SBF2: variants seen among roughly 807,000 people sequenced by gnomAD.
SBF2 encodes myotubularin-related protein 13.
Under a neutral mutation model 225.2 loss-of-function variants are expected in SBF2, and 112 were observed. That is an observed-to-expected ratio of 0.50 (90% CI 0.43 to 0.58). The LOEUF (loss-of-function observed/expected upper bound fraction) is 0.58. Among genes scored for constraint, SBF2 ranks in the 20% least tolerant of loss-of-function variants. SBF2 has a pLI of 0.00. For synonymous variants in SBF2, 763 were observed against 773.3 expected, an observed-to-expected ratio of 0.99 and a Z score of 0.22; for missense variants, 1,996 against 2,206.2, an observed-to-expected ratio of 0.90 and a Z score of 1.91.
At chr11:9,790,762 A>C (rs1160989787) in intron 33 of SBF2, 79 bp from the exon 34 acceptor site, 6 of 1,120,032 alleles carry the variant, frequency 5.4e-6, no homozygotes, top group Non-Finnish European at 7.9e-6. Flanking sequence ...CATGCAGCAG[A>C]TAAAAAAGTG....
intron 6 of SBF2, among the ~76,000 whole-genome samples, chr11:10,013,683 G>A (rs1452008746): frequency 6.6e-6 from 1 of 152,148 alleles, no homozygotes; most frequent in African/African-American, 2.4e-5. Context: ...AAAGCAATCT[G>A]TATCAAGACA....
At chr11:10,168,860 G>C (rs1004263640) in intron 2 of SBF2, among the ~76,000 whole-genome samples, 1 of 152,128 alleles carries the variant, frequency 6.6e-6, no homozygotes, top group African/African-American at 2.4e-5. Context: ...GAAAAAGAAA[G>C]TGAACTTCAA....
chr11:10,177,407 T>G (rs1419054935), intron 2 of SBF2, among the ~76,000 whole-genome samples: 1 of 148,760 alleles, frequency 6.7e-6, no homozygotes, highest in East Asian at 2.1e-4. Context: ...AAATTGTCCC[T>G]GTTTGCAGAC....
At position 9,787,680 on chromosome 11, in the gene SBF2, C is replaced by T; in HGVS notation, c.4991G>A (p.Trp1664Ter). 1 of 1,614,224 alleles carries T rather than the reference C, an allele frequency of 6.2e-7. No homozygotes were observed. Among genetic ancestry groups the T allele is most frequent in the Non-Finnish European group, 8.5e-7 (1 of 1,180,048 alleles). Residue 1664 changes from tryptophan (W) to a stop codon, truncating the protein, a stop_gained, in exon 36 of 40, where the codon TGG becomes TAG. Coordinates refer to ENST00000256190, the MANE Select transcript of SBF2 (RefSeq NM_030962.4). LOFTEE classifies it high-confidence loss of function. Reference protein sequence around the residue: ...NQAPEKWQQLWERVTVDLKEE... With the variant: ...NQAPEKWQQL Reference sequence around the variant, plus strand: ...TTTAAGGTCCACGGTTACCCTTTCCCACAGCTGCTGCCACTTCTCAGGGGC... The same window carrying T: ...TTTAAGGTCCACGGTTACCCTTTCCTACAGCTGCTGCCACTTCTCAGGGGC...
chr11:9,968,615 G>A (rs1867122075), intron 13 of SBF2, 70 bp from the exon 14 acceptor site: 1 of 1,278,668 alleles, frequency 7.8e-7, no homozygotes, highest in African/African-American at 1.5e-5. Context: ...GGAAGGGAGT[G>A]GGAGCTTACA....
At chr11:9,787,962 A>G (rs951752028) in intron 35 of SBF2, 3 of 575,598 alleles carry the variant, frequency 5.2e-6, no homozygotes, top group Admixed American at 2.9e-5. Context: ...ACCTATAACT[A>G]GGCCTTTTTG....
intron 2 of SBF2, among the ~76,000 whole-genome samples, chr11:10,156,229 G>T (rs1955470504): frequency 6.6e-6 from 1 of 152,334 alleles, no homozygotes; most frequent in South Asian, 2.1e-4. Context: ...TGCACTCAGG[G>T]TGGTGCTGAC....
chr11:10,101,894 G>T (rs1952324456), intron 2 of SBF2, among the ~76,000 whole-genome samples: 1 of 152,004 alleles, frequency 6.6e-6, no homozygotes, highest in Non-Finnish European at 1.5e-5. Flanking sequence ...TTTCAAGCCA[G>T]CCTGGCAGGC....
chr11:9,958,821 A>G, intron 16 of SBF2: 1 of 574,796 alleles, frequency 1.7e-6, no homozygotes, highest in East Asian at 3.6e-5. Context: ...AATGGGTCAC[A>G]GTCGGCAGAG....
At chr11:9,902,682 CA>C (rs2134158249) in intron 16 of SBF2, among the ~76,000 whole-genome samples, 1 of 151,690 alleles carries the variant, frequency 6.6e-6, no homozygotes, top group South Asian at 2.1e-4. Context: ...ATAACTGAGC[CA>C]AAAAAGAGAT....
chr11:10,120,713 G>A (rs965647723), intron 2 of SBF2, among the ~76,000 whole-genome samples: 3 of 152,060 alleles, frequency 2.0e-5, no homozygotes, highest in Non-Finnish European at 2.9e-5. Context: ...CTCCGCCTCC[G>A]GGTTCAAGCG....
At chr11:10,119,685 G>A (rs1367995167) in intron 2 of SBF2, among the ~76,000 whole-genome samples, 5 of 152,052 alleles carry the variant, frequency 3.3e-5, no homozygotes, top group Admixed American at 6.5e-5. Flanking sequence ...ATTGGAGTCC[G>A]ACAGTATGTG....
In SBF2 at chr11:9,993,080, G is replaced by A. The variant is rs370621525; in HGVS notation, c.1077C>T (p.Phe359=). The A allele has an allele frequency of 2.5e-6, 4 of 1,611,514 alleles. No individual in the cohort carries two copies. The highest frequency in any genetic ancestry group is 1.7e-4 in the Middle Eastern group (1 of 6,054). The change falls in exon 11 of 40, where the codon TTC becomes TTT. Residue 359 remains phenylalanine (F), a synonymous_variant. Coordinates refer to ENST00000256190, the MANE Select transcript of SBF2 (RefSeq NM_030962.4). The part of the protein sequence containing the change: ...KMLDKEVRAV[F]LRLFAQLFQG... ...GGAAGAGTTGTGCAAATAATCTAAGGAAAACGGCTCGCACCTCTTTATCCT... is the reference window on the plus strand; with the variant it reads ...GGAAGAGTTGTGCAAATAATCTAAGAAAAACGGCTCGCACCTCTTTATCCT...
At chr11:9,914,993 G>A (rs79861660) in intron 16 of SBF2, among the ~76,000 whole-genome samples, 9,307 of 151,942 alleles carry the variant, frequency 0.061, 475 homozygotes, top group East Asian at 0.27. Flanking sequence ...ACTAAAAACT[G>A]TTTTAAAAAA....
intron 24 of SBF2, 70 bp downstream of exon 24, chr11:9,845,495 A>T: frequency 7.1e-7 from 1 of 1,402,966 alleles, no homozygotes; most frequent in Non-Finnish European, 1.0e-6. Context: ...CCTGGACACA[A>T]AGGATAGGTT....
chr11:9,809,185 A>T lies in SBF2; in HGVS notation c.4156-183T>A, dbSNP rs10770066. ...TCAAGATTAAACAATGACACTTTTG[A>T]CTGGATGCAATGACTCATGCCCATA... On this transcript the variant is annotated intron_variant, in intron 30 of 39. Transcript: ENST00000256190. 0.88 allele frequency: 483,561 copies of T among 547,954 alleles called. 214,811 individuals are homozygous for T. The highest frequency in any genetic ancestry group is 0.95 in the African/African-American group (49,747 of 52,276). The allele number at this position is 547,954 out of a possible 1,614,324, so 33.9% of individuals were successfully genotyped here. A position where few individuals can be genotyped will look rare whatever the true frequency, so the allele number is the denominator to read the frequency against.
In SBF2 at chr11:9,946,453, C is replaced by CTTTCT. The variant is rs200845518; in HGVS notation, c.1860+15503_1860+15504insAGAAA. 5.3e-3 allele frequency among the ~76,000 whole-genome samples: 755 copies of CTTTCT among 142,618 alleles called. 47 individuals carry two copies. In the East Asian group the frequency reaches 0.14, roughly 27 times the overall value. The allele number at this position is 142,618 out of a possible 152,430, so 93.6% of individuals were successfully genotyped here. ...TATTTCTTTTTTTCTTTCTTTCTTT[C>CTTTCT]TTTTTTTTTTTTTTGAGATGGAGTT... On this transcript the variant is annotated intron_variant, in intron 16 of 39. Coordinates refer to ENST00000256190, the MANE Select transcript of SBF2 (RefSeq NM_030962.4).
intron 17 of SBF2, among the ~76,000 whole-genome samples, chr11:9,865,659 C>G (rs975463130): frequency 7.5e-6 from 1 of 133,298 alleles, no homozygotes; most frequent in African/African-American, 2.9e-5. Context: ...CCACTGCACT[C>G]CAGCCTGGAT....
intron 6 of SBF2, among the ~76,000 whole-genome samples, chr11:10,025,766 CT>C (rs1340626152): frequency 6.6e-6 from 1 of 151,874 alleles, no homozygotes; most frequent in Non-Finnish European, 1.5e-5. Flanking sequence ...TGCTCCGCTA[CT>C]GTTTTCTATT....
Sources: gnomAD v4.1 joint callset for allele counts (sites outside exome capture counted in the v4.1 genomes callset) on GRCh38, gnomAD v4.1.1 for gene constraint, MANE v1.5 for transcripts, NCBI Gene and HGNC (gene_info 2026-07-23, HGNC 2026-07-21) for gene names.